The following INPP5A variants were observed in gnomAD, a reference collection of about 807,000 sequenced individuals.
INPP5A encodes inositol polyphosphate-5-phosphatase A, also known as 43 kDa inositol polyphosphate 5-phophatase.
Under a neutral mutation model 65.2 loss-of-function variants are expected in INPP5A, and 14 were observed. The ratio of observed to expected loss-of-function variants is 0.21; its 90% confidence interval spans 0.14 to 0.34. The LOEUF is 0.34. INPP5A is among the 10% of genes least tolerant of loss of function. The pLI, the probability that INPP5A is intolerant of heterozygous loss-of-function variation, is 1.00. For missense variants in INPP5A, 431 were observed against 545.6 expected, an observed-to-expected ratio of 0.79 and a Z score of 2.09; for synonymous variants, 207 against 208.3, an observed-to-expected ratio of 0.99 and a Z score of 0.05.
chr10:132,564,750 G>A (rs983432447), intron 1 of INPP5A, among the ~76,000 whole-genome samples: 1 of 152,248 alleles, frequency 6.6e-6, no homozygotes, highest in Non-Finnish European at 1.5e-5. Flanking sequence ...GCTGGGCCCA[G>A]CTCTTGTTTG....
At position 132,762,981 on chromosome 10, in the gene INPP5A, T is replaced by A. The variant is rs1296687731; in HGVS notation, c.904-2792T>A. Reference sequence around the variant, plus strand: ...TCCAGCCTGGGTGACAGAGGGAGACTCTGTTTCAATAAATAAATAAATAAC... The same window carrying A: ...TCCAGCCTGGGTGACAGAGGGAGACACTGTTTCAATAAATAAATAAATAAC... On this transcript the variant is annotated intron_variant, in intron 11 of 15. Transcript: ENST00000368594. This position sits in a 1 kb window ranked among gnomAD's most constrained non-coding sequence, Gnocchi z 4.6. 1.3e-5 allele frequency among the ~76,000 whole-genome samples: 2 copies of A among 152,160 alleles called. No homozygotes were observed. The highest frequency in any genetic ancestry group is 4.8e-5 in the African/African-American group (2 of 41,432).
chr10:132,554,923 C>T (rs2071106971), intron 1 of INPP5A, among the ~76,000 whole-genome samples: 1 of 129,726 alleles, frequency 7.7e-6, no homozygotes, highest in African/African-American at 3.0e-5. Flanking sequence ...GTGTGGGTGG[C>T]ATGGTTGGTG....
chr10:132,542,388 TG>T (rs2070917904), intron 1 of INPP5A, among the ~76,000 whole-genome samples: 1 of 152,024 alleles, frequency 6.6e-6, no homozygotes, highest in Non-Finnish European at 1.5e-5. Flanking sequence ...GGAGCTGCTG[TG>T]GGTATGGAGT....
intron 6 of INPP5A, among the ~76,000 whole-genome samples, chr10:132,699,467 C>T (rs929004366): frequency 2.6e-5 from 4 of 152,142 alleles, no homozygotes; most frequent in South Asian, 2.1e-4. Context: ...TGACCCGGCA[C>T]CTCGTCTCAG....
At chr10:132,615,652 T>C (rs76797580) in intron 2 of INPP5A, among the ~76,000 whole-genome samples, 3,695 of 152,272 alleles carry the variant, frequency 0.024, 57 homozygotes, top group South Asian at 0.039. Context: ...CCCCTTTGCT[T>C]GAGGGCCCCG....
chr10:132,729,993 C>T (rs1056439003), intron 9 of INPP5A, among the ~76,000 whole-genome samples: 1 of 152,222 alleles, frequency 6.6e-6, no homozygotes, highest in East Asian at 1.9e-4. Context: ...GAGAGCCGCC[C>T]ACACCACCAT....
chr10:132,708,396 A>G (rs1590942398), intron 7 of INPP5A, 31 bp downstream of exon 7: 1 of 1,603,762 alleles, frequency 6.2e-7, no homozygotes, highest in Non-Finnish European at 8.5e-7. Context: ...GTCAATTTCC[A>G]TAACGTTTCT....
At chr10:132,630,171 G>T (rs938148379) in intron 2 of INPP5A, among the ~76,000 whole-genome samples, 2 of 152,192 alleles carry the variant, frequency 1.3e-5, no homozygotes, top group African/African-American at 4.8e-5. Context: ...ATGAAGAAAA[G>T]GCGTCCATGA....
intron 6 of INPP5A, among the ~76,000 whole-genome samples, chr10:132,708,073 A>G (rs1845566753): frequency 6.6e-6 from 1 of 152,028 alleles, no homozygotes; most frequent in African/African-American, 2.4e-5. Context: ...GTTTCTTCAT[A>G]TCTTCCCCCC....
At chr10:132,746,679 A>G (rs893202220) in intron 9 of INPP5A, among the ~76,000 whole-genome samples, 1 of 152,206 alleles carries the variant, frequency 6.6e-6, no homozygotes, top group Non-Finnish European at 1.5e-5. Flanking sequence ...AAGACGGCAC[A>G]CCGGACCACT....
At chr10:132,612,584 C>G (rs2071975276) in intron 2 of INPP5A, among the ~76,000 whole-genome samples, 1 of 152,198 alleles carries the variant, frequency 6.6e-6, no homozygotes, top group Non-Finnish European at 1.5e-5. Flanking sequence ...TCCAAGCTGG[C>G]TGATGGTGGT....
chr10:132,759,325 T>C (rs1276626455), intron 11 of INPP5A, among the ~76,000 whole-genome samples: 1 of 151,930 alleles, frequency 6.6e-6, no homozygotes, highest in East Asian at 1.9e-4. Context: ...CACCCACGAG[T>C]GTACAGAGGA....
At chr10:132,638,252 A>C (rs997977234) in intron 2 of INPP5A, among the ~76,000 whole-genome samples, 1 of 152,076 alleles carries the variant, frequency 6.6e-6, no homozygotes, top group Non-Finnish European at 1.5e-5. Context: ...CTGTCCTGCT[A>C]GGCTGGGCCT....
At chr10:132,652,052 C>T (rs1034520830) in intron 4 of INPP5A, among the ~76,000 whole-genome samples, 8 of 152,080 alleles carry the variant, frequency 5.3e-5, no homozygotes, top group African/African-American at 1.9e-4. Context: ...CCTCCCTCTC[C>T]CCCTTGGTCC....
intron 4 of INPP5A, among the ~76,000 whole-genome samples, chr10:132,664,681 G>C (rs2072779581): frequency 1.3e-5 from 2 of 152,238 alleles, no homozygotes; most frequent in Non-Finnish European, 2.9e-5. Context: ...CAGCAGCCCA[G>C]AGCTGAGCAC....
intron 8 of INPP5A, among the ~76,000 whole-genome samples, chr10:132,712,421 A>G (rs1164450813): frequency 6.8e-6 from 1 of 147,406 alleles, no homozygotes; most frequent in Non-Finnish European, 1.5e-5. Context: ...GTGCATACAT[A>G]TGTGTGTGCA....
At position 132,538,182 on chromosome 10, in the gene INPP5A, CG is replaced by C. The variant is rs753459311; in HGVS notation, c.75+12del. On this transcript the variant is annotated intron_variant, in intron 1 of 15. Coordinates refer to ENST00000368594, the MANE Select transcript of INPP5A (RefSeq NM_005539.5). The surrounding 1 kb of genome is among the most constrained non-coding windows in gnomAD (Gnocchi z 4.1). ...TCGCTCTTCGACGACGTAAGTCCCC[CG>C]TGCCGGCGGCAGGCCCCAAGCCCGG... 45 of 1,272,760 alleles carry C rather than the reference CG, an allele frequency of 3.5e-5. 1 individual carries two copies. The highest frequency in any genetic ancestry group is 3.8e-5 in the Admixed American group (1 of 26,446). 78.8% of individuals were successfully genotyped at this position (1,272,760 alleles called of 1,614,324 possible).
Position 132,545,766 on chromosome 10 carries a change from A to G in INPP5A, c.75+7595A>G, listed in dbSNP as rs928174283. On this transcript the variant is annotated intron_variant, in intron 1 of 15. Coordinates refer to ENST00000368594, the MANE Select transcript of INPP5A (RefSeq NM_005539.5). This position sits in a 1 kb window ranked among gnomAD's most constrained non-coding sequence, Gnocchi z 4.6. ...GCTCTGGAGCCCCAAGTCGCACCCC[A>G]CCAGGTCTGGTTGGTGCTGCCATGG... is the stretch of plus-strand genomic sequence containing the variant. 1.3e-5 allele frequency among the ~76,000 whole-genome samples: 2 copies of G among 152,168 alleles called. No individual in the cohort carries two copies. Among genetic ancestry groups the G allele is most frequent in the African/African-American group, 4.8e-5 (2 of 41,450 alleles).
At chr10:132,612,081 AGAGG>A (rs2071966871) in intron 2 of INPP5A, among the ~76,000 whole-genome samples, 1 of 132,024 alleles carries the variant, frequency 7.6e-6, no homozygotes, top group Non-Finnish European at 1.6e-5. Flanking sequence ...GCCCTGTCAG[AGAGG>A]GGAGAGGGAA....
Sources: allele counts gnomAD v4.1 joint callset (sites outside exome capture counted in the v4.1 genomes callset), GRCh38; gene constraint gnomAD v4.1.1; non-coding constraint Gnocchi (gnomAD v3.1); transcripts MANE v1.5; gene names NCBI Gene and HGNC (gene_info 2026-07-23, HGNC 2026-07-21).